STRN: variants seen among roughly 807,000 people sequenced by gnomAD.
The protein encoded by STRN is protein phosphatase 2 regulatory subunit B'''alpha.
A neutral mutation model predicts 96.3 loss-of-function variants in STRN; 53 were observed. That is an observed-to-expected ratio of 0.55 (90% confidence interval 0.44 to 0.69). The LOEUF (loss-of-function observed/expected upper bound fraction) is 0.69. STRN is among the 30% of genes least tolerant of loss of function. The pLI is 0.00. For synonymous variants in STRN, 428 were observed against 355.9 expected (o/e 1.20, Z -2.28); for missense variants, 987 against 963.9 (o/e 1.02, Z -0.32).
chr2:36,853,450 GAAATCAAATCATGGA>G (rs1400065831), intron 15 of STRN, among the ~76,000 whole-genome samples: 3 of 152,156 alleles, frequency 2.0e-5, no homozygotes, highest in African/African-American at 7.2e-5. Flanking sequence ...AAATATGATT[GAAATCAAATCATGGA>G]AACAGGCAAA....
chr2:36,893,924 C>A lies in STRN; in HGVS notation c.905G>T (p.Arg302Ile). The change falls in exon 7 of 18, where the codon AGA becomes ATA. Residue 302 changes from arginine to isoleucine, a missense_variant. Coordinates refer to ENST00000263918, the MANE Select transcript of STRN (RefSeq NM_003162.4). ...VTSEEGDNES[R>I]SAGDGTDWEK... ...CCAGTCTGTTCCATCGCCTGCACTT[C>A]TAGATTCATTGTCTCCTTCCTCTGA... 1 of 1,613,232 alleles carries A rather than the reference C, an allele frequency of 6.2e-7. No homozygotes were observed. Among genetic ancestry groups the A allele is most frequent in the East Asian group, 2.2e-5 (1 of 44,766 alleles).
chr2:36,909,889 C>A (rs1669919074), intron 3 of STRN, among the ~76,000 whole-genome samples: 1 of 152,104 alleles, frequency 6.6e-6, no homozygotes, highest in Non-Finnish European at 1.5e-5. Context: ...AAGACTTTTT[C>A]AGGCCGGGCG....
At chr2:36,872,803 G>A (rs1236265657) in intron 10 of STRN, among the ~76,000 whole-genome samples, 1 of 152,062 alleles carries the variant, frequency 6.6e-6, no homozygotes, top group Non-Finnish European at 1.5e-5. Context: ...GGCAAATCAG[G>A]AAATTTGGAC....
At chr2:36,910,666 A>T (rs1157929882) in intron 3 of STRN, among the ~76,000 whole-genome samples, 1 of 152,240 alleles carries the variant, frequency 6.6e-6, no homozygotes, top group Admixed American at 6.5e-5. Context: ...AGCCTGAAAA[A>T]GAAGGAAAAG....
At position 36,848,236 on chromosome 2, in the gene STRN, G is replaced by C. The variant is rs929039527; in HGVS notation, c.*1220C>G. ...TTAAACAATGGGGGAGGAATAGGGA[G>C]AGAGAAAGACAGAACTTTTTAGCCA... is the stretch of plus-strand genomic sequence containing the variant. On this transcript the variant is annotated 3_prime_UTR_variant, in exon 18 of 18. Transcript: ENST00000263918. 1.1e-4 allele frequency: 16 copies of C among 149,970 alleles called. No individual in the cohort carries two copies. Among genetic ancestry groups the C allele is most frequent in the African/African-American group, 3.9e-4 (16 of 41,200 alleles). The allele number at this position is 149,970 out of a possible 1,614,324, so 9.3% of individuals were successfully genotyped here. A position where few individuals can be genotyped will look rare whatever the true frequency, so the allele number is the denominator to read the frequency against.
chr2:36,874,717 T>TAAAAAAAAAAA (rs35268065), intron 10 of STRN, among the ~76,000 whole-genome samples: 1 of 86,276 alleles, frequency 1.2e-5, no homozygotes, highest in East Asian at 3.7e-4. Context: ...TGTTTAGAGT[T>TAAAAAAAAAAA]AAAAAAAAAA....
At chr2:36,883,549 T>C (rs1669134312) in intron 9 of STRN, among the ~76,000 whole-genome samples, 1 of 152,248 alleles carries the variant, frequency 6.6e-6, no homozygotes, top group Non-Finnish European at 1.5e-5. Context: ...TAGGTGACTT[T>C]ATCCCCTTTT....
intron 15 of STRN, among the ~76,000 whole-genome samples, chr2:36,851,862 A>G (rs1668229846): frequency 6.6e-6 from 1 of 152,220 alleles, no homozygotes. Context: ...AAATCCCTTT[A>G]TCACTCTTCC....
intron 1 of STRN, among the ~76,000 whole-genome samples, chr2:36,955,410 G>A (rs1664860928): frequency 1.3e-5 from 2 of 152,212 alleles, no homozygotes; most frequent in South Asian, 4.1e-4. Flanking sequence ...GTGTGCATAT[G>A]TGCATATGCA....
intron 11 of STRN, 72 bp downstream of exon 11, chr2:36,869,482 A>G: frequency 8.0e-7 from 1 of 1,254,416 alleles, no homozygotes; most frequent in Non-Finnish European, 1.1e-6. Context: ...AACAGAAATC[A>G]TAAAATATGT....
At chr2:36,922,231 T>A (rs112254395) in intron 2 of STRN, among the ~76,000 whole-genome samples, 1 of 152,086 alleles carries the variant, frequency 6.6e-6, no homozygotes, top group African/African-American at 2.4e-5. Flanking sequence ...TAGATAAAAT[T>A]TTTTTGGCTG....
intron 1 of STRN, among the ~76,000 whole-genome samples, chr2:36,958,848 T>A (rs1664959921): frequency 6.6e-6 from 1 of 152,158 alleles, no homozygotes; most frequent in Admixed American, 6.5e-5. Context: ...AGGCTGGGTG[T>A]GGTAGCTCAC....
At chr2:36,904,524 A>G (rs1316580834) in intron 4 of STRN, among the ~76,000 whole-genome samples, 2 of 152,150 alleles carry the variant, frequency 1.3e-5, no homozygotes, top group African/African-American at 4.8e-5. Flanking sequence ...AATACATATT[A>G]ATATTTTATG....
intron 1 of STRN, among the ~76,000 whole-genome samples, chr2:36,952,212 G>C (rs1436850824): frequency 6.6e-6 from 1 of 152,148 alleles, no homozygotes; most frequent in East Asian, 1.9e-4. Flanking sequence ...AATTTTTTAA[G>C]ATACCATTTT....
At chr2:36,928,019 G>C (rs558564484) in intron 1 of STRN, among the ~76,000 whole-genome samples, 2 of 152,186 alleles carry the variant, frequency 1.3e-5, no homozygotes, top group East Asian at 3.9e-4. Context: ...ATTAGGACCT[G>C]AACTAAGACC....
chr2:36,934,526 G>A (rs1670653735), intron 1 of STRN, among the ~76,000 whole-genome samples: 1 of 152,166 alleles, frequency 6.6e-6, no homozygotes, highest in African/African-American at 2.4e-5. Context: ...AGCTCCAAAA[G>A]AGTTAACATG....
chr2:36,935,047 T>C (rs754314441), intron 1 of STRN, among the ~76,000 whole-genome samples: 7 of 152,184 alleles, frequency 4.6e-5, no homozygotes, highest in Non-Finnish European at 8.8e-5. Flanking sequence ...CACTGTGCTC[T>C]AGCCTGGGCA....
intron 6 of STRN, among the ~76,000 whole-genome samples, chr2:36,897,707 G>C (rs1465279509): frequency 6.6e-6 from 1 of 151,942 alleles, no homozygotes; most frequent in East Asian, 1.9e-4. Flanking sequence ...AAAGTGCTGG[G>C]ATTACAGGTG....
At chr2:36,925,466 A>G (rs1670384419) in intron 1 of STRN, among the ~76,000 whole-genome samples, 1 of 152,132 alleles carries the variant, frequency 6.6e-6, no homozygotes, top group Non-Finnish European at 1.5e-5. Context: ...CACATCATTT[A>G]AGAGTCTACA....
Sources: allele counts gnomAD v4.1 joint callset (sites outside exome capture counted in the v4.1 genomes callset), GRCh38; gene constraint gnomAD v4.1.1; transcripts MANE v1.5; gene names NCBI Gene and HGNC (gene_info 2026-07-23, HGNC 2026-07-21).